The following DENND2A variants were observed in gnomAD, a reference collection of about 807,000 sequenced individuals.
The protein encoded by DENND2A is DENN domain-containing protein 2A.
Under a neutral mutation model 105.3 loss-of-function variants are expected in DENND2A, and 53 were observed. That is an observed-to-expected ratio of 0.50 (90% CI 0.40 to 0.63). The LOEUF is 0.63. Among genes scored for constraint, DENND2A ranks in the 30% least tolerant of loss-of-function variants. DENND2A has a pLI of 0.00. For synonymous variants in DENND2A, 522 were observed against 508.4 expected (o/e 1.03, Z -0.36); for missense variants, 1,138 against 1,279.6 (o/e 0.89, Z 1.69).
intron 5 of DENND2A, 104 bp from the exon 6 acceptor site, chr7:140,574,112 C>CA: frequency 2.3e-6 from 3 of 1,330,948 alleles, no homozygotes; most frequent in Non-Finnish European, 3.2e-6. Flanking sequence ...AGAAGAGGAA[C>CA]TGGTCTATGT....
At chr7:140,566,467 A>G (rs1448897862) in intron 9 of DENND2A, among the ~76,000 whole-genome samples, 3 of 152,180 alleles carry the variant, frequency 2.0e-5, no homozygotes, top group Non-Finnish European at 4.4e-5. Context: ...GAAGGGACAT[A>G]CACAAAGATG....
rs1169415672 is a variant in DENND2A at position 140,583,358 on chromosome 7, T to G, written c.1245+2231A>C. 2.7e-5 allele frequency among the ~76,000 whole-genome samples: 4 copies of G among 149,908 alleles called. 1 individual carries two copies. Among genetic ancestry groups the G allele is most frequent in the African/African-American group, 1.0e-4 (4 of 39,350 alleles). On this transcript the variant is annotated intron_variant, in intron 5 of 19. Transcript: ENST00000496613. ...AAAAATAACAAAAAAAGAAATGGTT[T>G]AACTGAGTGTTACAGATAATCAGAG...
intron 14 of DENND2A, chr7:140,544,191 C>G (rs565382944): frequency 3.8e-6 from 1 of 265,316 alleles, no homozygotes; most frequent in African/African-American, 2.2e-5. Flanking sequence ...CGTGCCTGGC[C>G]ATCCTTTATT....
intron 3 of DENND2A, among the ~76,000 whole-genome samples, chr7:140,600,742 G>A (rs1468739945): frequency 6.6e-6 from 1 of 152,152 alleles, no homozygotes; most frequent in Non-Finnish European, 1.5e-5. Flanking sequence ...CTGTTCTGAG[G>A]AGTTTTGCTC....
At chr7:140,630,137 GTC>G (rs1195706581) in intron 1 of DENND2A, among the ~76,000 whole-genome samples, 4 of 151,416 alleles carry the variant, frequency 2.6e-5, no homozygotes, top group African/African-American at 9.7e-5. Context: ...TTAAGACAGG[GTC>G]TCACTCTGTC....
intron 3 of DENND2A, among the ~76,000 whole-genome samples, chr7:140,597,871 C>G (rs538901639): frequency 6.6e-5 from 10 of 152,208 alleles, no homozygotes; most frequent in African/African-American, 2.4e-4. Flanking sequence ...TTGGCACTGG[C>G]TGGAGAAAGG....
In DENND2A at chr7:140,588,243, G is replaced by C. The variant is rs183068424; in HGVS notation, c.996-463C>G. ...TATTGTAAAAGGTGTGAAAATCCAT[G>C]AATAAGAGATGTGGCTTTTATGTGC... On this transcript the variant is annotated intron_variant, in intron 3 of 19. Transcript: ENST00000496613. Among the ~76,000 whole-genome samples the C allele has an allele frequency of 1.1e-4, 16 of 152,266 alleles. No individual in the cohort carries two copies. The East Asian group carries it at 1.5e-3, about 15-fold the overall frequency.
chr7:140,637,488 GT>G (rs537401815), intron 1 of DENND2A, among the ~76,000 whole-genome samples: 36 of 152,282 alleles, frequency 2.4e-4, no homozygotes, highest in African/African-American at 6.0e-4. Flanking sequence ...CCTACTCCTG[GT>G]TCCTCTGCAA....
At chr7:140,524,472 AG>A (rs2130458600) in intron 16 of DENND2A, among the ~76,000 whole-genome samples, 1 of 152,300 alleles carries the variant, frequency 6.6e-6, no homozygotes, top group African/African-American at 2.4e-5. Flanking sequence ...CAAGACAACA[AG>A]CGTTAATGTT....
At chr7:140,578,226 C>T (rs955340145) in intron 5 of DENND2A, among the ~76,000 whole-genome samples, 7 of 152,112 alleles carry the variant, frequency 4.6e-5, no homozygotes, top group African/African-American at 1.4e-4. Context: ...ACATCCTGGG[C>T]GGGGTGGGGG....
At position 140,640,601 on chromosome 7, in the gene DENND2A, G is replaced by A. The variant is rs1225232799; in HGVS notation, c.-345C>T. ...CGGCGCGGCTCGGGGGCGGGCGGCG[G>A]CGGGTGCCGGGGACGCCATGGCCCT... is the stretch of plus-strand genomic sequence containing the variant. On this transcript the variant is annotated 5_prime_UTR_variant, in exon 1 of 20. Coordinates refer to ENST00000496613, the MANE Select transcript of DENND2A (RefSeq NM_015689.5). The surrounding 1 kb of genome is among the most constrained non-coding windows in gnomAD (Gnocchi z 4.9). 1.3e-5 allele frequency: 2 copies of A among 149,004 alleles called. No individual in the cohort carries two copies. Among genetic ancestry groups the A allele is most frequent in the Non-Finnish European group, 3.0e-5 (2 of 66,648 alleles). The allele number at this position is 149,004 out of a possible 1,614,324, so 9.2% of individuals were successfully genotyped here. A position where few individuals can be genotyped will look rare whatever the true frequency, so the allele number is the denominator to read the frequency against.
intron 1 of DENND2A, among the ~76,000 whole-genome samples, chr7:140,617,672 C>T (rs377382616): frequency 7.2e-5 from 11 of 152,136 alleles, no homozygotes; most frequent in African/African-American, 2.4e-4. Context: ...CAAGATCGCA[C>T]CACTGCACTC....
At chr7:140,571,438 A>C (rs1399892834) in intron 6 of DENND2A, among the ~76,000 whole-genome samples, 1 of 152,218 alleles carries the variant, frequency 6.6e-6, no homozygotes, top group Admixed American at 6.5e-5. Context: ...CTGGGATTAC[A>C]GGCATGAGCC....
At chr7:140,610,536 A>ATATATG (rs1799857001) in intron 1 of DENND2A, among the ~76,000 whole-genome samples, 1 of 152,062 alleles carries the variant, frequency 6.6e-6, no homozygotes, top group Non-Finnish European at 1.5e-5. Flanking sequence ...TTTTATATAT[A>ATATATG]TATATGTATA....
intron 1 of DENND2A, among the ~76,000 whole-genome samples, chr7:140,610,763 T>C (rs201243655): frequency 6.6e-6 from 1 of 152,252 alleles, no homozygotes; most frequent in Admixed American, 6.5e-5. Flanking sequence ...GGAGCGGCTG[T>C]GGACCTGTGG....
chr7:140,566,177 G>C (rs10246080), intron 9 of DENND2A, among the ~76,000 whole-genome samples: 1 of 152,030 alleles, frequency 6.6e-6, no homozygotes, highest in Non-Finnish European at 1.5e-5. Context: ...GATTATAGGC[G>C]CCTGCCACCA....
At chr7:140,591,682 T>TTTCC (rs1563163816) in intron 3 of DENND2A, among the ~76,000 whole-genome samples, 11 of 142,640 alleles carry the variant, frequency 7.7e-5, no homozygotes, top group African/African-American at 2.3e-4. Context: ...TCTTTCTTTC[T>TTTCC]TTCTTTCTTT....
intron 13 of DENND2A, 87 bp from the exon 14 acceptor site, chr7:140,544,853 G>A (rs1352666371): frequency 3.3e-6 from 5 of 1,538,316 alleles, no homozygotes; most frequent in South Asian, 1.2e-5. Flanking sequence ...GGGCTCTGAG[G>A]TCCTCATCAG....
Position 140,527,504 on chromosome 7 carries a change from G to A in DENND2A, c.2328-9C>T, listed in dbSNP as rs375196042. 1.2e-4 allele frequency: 196 copies of A among 1,590,346 alleles called. No homozygotes were observed. The African/African-American group carries it at 1.8e-3, about 14-fold the overall frequency. ...AGCACTTGGACAGGATGCTGCAGCC[G>A]GGGAGAGAACAGGGAGAGAGGCCGA... is the stretch of plus-strand genomic sequence containing the variant. On this transcript the variant is annotated splice_polypyrimidine_tract_variant and intron_variant, in intron 14 of 19. Coordinates refer to ENST00000496613, the MANE Select transcript of DENND2A (RefSeq NM_015689.5). The surrounding 1 kb of genome is among the most constrained non-coding windows in gnomAD (Gnocchi z 4.9).
Sources: allele counts gnomAD v4.1 joint callset (sites outside exome capture counted in the v4.1 genomes callset), GRCh38; gene constraint gnomAD v4.1.1; non-coding constraint Gnocchi (gnomAD v3.1); transcripts MANE v1.5; gene names NCBI Gene and HGNC (gene_info 2026-07-23, HGNC 2026-07-21).